Variants in MGAT4C observed in about 807,000 individuals in gnomAD.
The protein encoded by MGAT4C is MGAT4 family member C.
MGAT4C carries 19 observed loss-of-function variants against 40.1 expected under a neutral mutation model. The ratio of observed to expected loss-of-function variants is 0.47; its 90% CI spans 0.33 to 0.70. The LOEUF is 0.70. MGAT4C is among the 30% of genes least tolerant of loss of function. The probability of loss-of-function intolerance (pLI) is 0.02; values close to 1 mark genes in which losing one functional copy is unlikely to be tolerated. For synonymous variants in MGAT4C, 181 were observed against 187.1 expected, an observed-to-expected ratio of 0.97 and a Z score of 0.27; for missense variants, 491 against 563.2, an observed-to-expected ratio of 0.87 and a Z score of 1.30.
At chr12:86,035,926 A>G (rs1227999614) in intron 2 of MGAT4C, among the ~76,000 whole-genome samples, 1 of 149,666 alleles carries the variant, frequency 6.7e-6, no homozygotes, top group Admixed American at 6.7e-5. Flanking sequence ...GTTCTCTTCC[A>G]TTGGTCTATA....
chr12:86,453,743 G>T (rs967972458), intron 2 of MGAT4C, among the ~76,000 whole-genome samples: 1 of 152,040 alleles, frequency 6.6e-6, no homozygotes, highest in Admixed American at 6.6e-5. Flanking sequence ...GCAATAATAA[G>T]ATAATTATTC....
In MGAT4C at chr12:86,459,648, A is replaced by G. The variant is rs113403929; in HGVS notation, c.-228-24383T>C. ...GATCCTGGTAATACGCTGAGAAAAG[A>G]AGCCCCCCCAACCTTCCCCGCCCCC... is the stretch of plus-strand genomic sequence containing the variant. On this transcript the variant is annotated intron_variant, in intron 2 of 7. Transcript: ENST00000548651. 5.8e-3 allele frequency among the ~76,000 whole-genome samples: 810 copies of G among 139,348 alleles called. 12 individuals carry two copies. The highest frequency in any genetic ancestry group is 0.021 in the African/African-American group (777 of 37,062). 91.4% of individuals were successfully genotyped at this position (139,348 alleles called of 152,430 possible). A position where few individuals can be genotyped will look rare whatever the true frequency, so the allele number is the denominator to read the frequency against.
chr12:86,785,376 C>A (rs1433729387), intron 1 of MGAT4C, among the ~76,000 whole-genome samples: 1 of 151,738 alleles, frequency 6.6e-6, no homozygotes, highest in Non-Finnish European at 1.5e-5. Context: ...AAAATATTAA[C>A]ACAATTAAAG....
chr12:86,765,934 C>T (rs1334329660), intron 1 of MGAT4C, among the ~76,000 whole-genome samples: 1 of 152,136 alleles, frequency 6.6e-6, no homozygotes, highest in Non-Finnish European at 1.5e-5. Context: ...TAAAGACCAT[C>T]AAGACTAGGA....
At position 85,957,604 on chromosome 12, in the gene MGAT4C, T is replaced by C. The variant is rs1882863166; in HGVS notation, c.*21685A>G. Reference sequence around the variant, plus strand: ...CTAGCTATGGCTGAAGATAGCTCTGTTATGTCAAATAAAACCACAGATTTT... The same window carrying C: ...CTAGCTATGGCTGAAGATAGCTCTGCTATGTCAAATAAAACCACAGATTTT... On this transcript the variant is annotated 3_prime_UTR_variant, in exon 5 of 5. Transcript: ENST00000611864. 6.8e-6 allele frequency: 1 copy of C among 148,074 alleles called. No individual in the cohort carries two copies. Among genetic ancestry groups the C allele is most frequent in the Non-Finnish European group, 1.5e-5 (1 of 67,474 alleles). 9.2% of individuals were successfully genotyped at this position (148,074 alleles called of 1,614,324 possible). A position where few individuals can be genotyped will look rare whatever the true frequency, so the allele number is the denominator to read the frequency against.
At chr12:86,351,249 G>T (rs1383842192) in intron 3 of MGAT4C, among the ~76,000 whole-genome samples, 1 of 151,846 alleles carries the variant, frequency 6.6e-6, no homozygotes, top group Non-Finnish European at 1.5e-5. Context: ...TGTATTATAA[G>T]ACATTTTGTT....
intron 2 of MGAT4C, among the ~76,000 whole-genome samples, chr12:86,578,013 C>G (rs1202147346): frequency 6.6e-6 from 1 of 151,650 alleles, no homozygotes; most frequent in African/African-American, 2.4e-5. Flanking sequence ...CTTTTGAGGG[C>G]CAGCCAGGAA....
chr12:85,999,128 A>G (rs1490761105), intron 2 of MGAT4C, among the ~76,000 whole-genome samples: 3 of 152,168 alleles, frequency 2.0e-5, no homozygotes, highest in African/African-American at 7.2e-5. Flanking sequence ...ACTCCTCTTT[A>G]TAAAACCATC....
At chr12:86,713,630 T>C (rs1187775980) in intron 2 of MGAT4C, among the ~76,000 whole-genome samples, 1 of 152,126 alleles carries the variant, frequency 6.6e-6, no homozygotes, top group Non-Finnish European at 1.5e-5. Flanking sequence ...GCAAAAACAT[T>C]AGCTAAACTA....
intron 2 of MGAT4C, among the ~76,000 whole-genome samples, chr12:86,647,892 G>A (rs1233086551): frequency 6.6e-6 from 1 of 151,834 alleles, no homozygotes; most frequent in African/African-American, 2.4e-5. Flanking sequence ...AGGGCCTCAA[G>A]TTATATGTTC....
intron 1 of MGAT4C, among the ~76,000 whole-genome samples, chr12:86,793,186 T>A (rs1952055739): frequency 6.6e-6 from 1 of 152,162 alleles, no homozygotes; most frequent in African/African-American, 2.4e-5. Context: ...TATTTTAAGA[T>A]AATTATGCAG....
intron 1 of MGAT4C, among the ~76,000 whole-genome samples, chr12:86,111,012 A>T (rs2135641820): frequency 6.6e-6 from 1 of 151,900 alleles, no homozygotes; most frequent in South Asian, 2.1e-4. Context: ...ATTTCATTTT[A>T]AAATATAAGC....
chr12:86,786,101 G>A (rs140045593), intron 1 of MGAT4C, among the ~76,000 whole-genome samples: 90 of 152,110 alleles, frequency 5.9e-4, no homozygotes, highest in African/African-American at 2.0e-3. Context: ...AATGTTACAT[G>A]TTAGGAGAAC....
At chr12:86,583,933 C>T (rs573699431) in intron 2 of MGAT4C, among the ~76,000 whole-genome samples, 11 of 150,992 alleles carry the variant, frequency 7.3e-5, no homozygotes, top group Middle Eastern at 3.7e-3. Flanking sequence ...TCTTCCTTTA[C>T]CTTATACTAC....
At chr12:86,576,088 A>C (rs1444500120) in intron 2 of MGAT4C, among the ~76,000 whole-genome samples, 1 of 151,834 alleles carries the variant, frequency 6.6e-6, no homozygotes, top group Non-Finnish European at 1.5e-5. Context: ...CATTGATGCT[A>C]AGCATCTTTT....
intron 2 of MGAT4C, among the ~76,000 whole-genome samples, chr12:86,610,835 G>T (rs1290580018): frequency 6.7e-6 from 1 of 149,946 alleles, no homozygotes; most frequent in East Asian, 2.0e-4. Context: ...AAAGTAGTAC[G>T]TGGGGTCCAC....
Position 86,734,866 on chromosome 12 carries a change from T to C in MGAT4C, c.-261-7625A>G, listed in dbSNP as rs1022690584. The stretch of plus-strand genomic sequence containing the variant: ...CTTACATATGGTAGCAAAAAGATTA[T>C]GTAGTTACCATCTGCTGTATTTGTT... On this transcript the variant is annotated intron_variant, in intron 1 of 7. Transcript: ENST00000548651. Among the ~76,000 whole-genome samples, 4 of 152,206 alleles carry C rather than the reference T, an allele frequency of 2.6e-5. 1 individual carries two copies. The highest frequency in any genetic ancestry group is 6.8e-3 in the Middle Eastern group (2 of 294).
At chr12:86,612,473 G>T (rs1962315940) in intron 2 of MGAT4C, among the ~76,000 whole-genome samples, 1 of 152,098 alleles carries the variant, frequency 6.6e-6, no homozygotes, top group African/African-American at 2.4e-5. Context: ...ATGTGGGCCA[G>T]GCGCGGTGGC....
At chr12:85,981,617 G>A (rs1017286809) in intron 4 of MGAT4C, among the ~76,000 whole-genome samples, 2 of 152,092 alleles carry the variant, frequency 1.3e-5, no homozygotes, top group African/African-American at 4.8e-5. Flanking sequence ...GTCTACATAA[G>A]AGGCAGGAGT....
Sources: gnomAD v4.1 joint callset for allele counts (sites outside exome capture counted in the v4.1 genomes callset) on GRCh38, gnomAD v4.1.1 for gene constraint, MANE v1.5 for transcripts, NCBI Gene and HGNC (gene_info 2026-07-23, HGNC 2026-07-21) for gene names.